Variants in DPP6 observed in about 807,000 individuals in gnomAD.
The protein encoded by DPP6 is dipeptidyl peptidase like 6, also known as A-type potassium channel modulatory protein DPP6.
DPP6 carries 69 observed loss-of-function variants against 122.6 expected under a neutral mutation model. The ratio of observed to expected loss-of-function variants is 0.56; its 90% CI spans 0.46 to 0.69. The LOEUF (loss-of-function observed/expected upper bound fraction) is 0.69, where lower values mean the gene tolerates loss of function less well. DPP6 is among the 30% of genes least tolerant of loss of function. DPP6 has a pLI of 0.00. For synonymous variants in DPP6, 418 were observed against 433.1 expected, an observed-to-expected ratio of 0.97 and a Z score of 0.43; for missense variants, 928 against 1,116.9, an observed-to-expected ratio of 0.83 and a Z score of 2.41.
chr7:154,250,969 C>T (rs1370087943), intron 1 of DPP6, among the ~76,000 whole-genome samples: 5 of 152,190 alleles, frequency 3.3e-5, no homozygotes, highest in African/African-American at 9.6e-5. Context: ...GTCCCAAAGA[C>T]GAGCCCCACC....
At chr7:154,417,597 T>TTC (rs1226045247) in intron 1 of DPP6, among the ~76,000 whole-genome samples, 1 of 151,992 alleles carries the variant, frequency 6.6e-6, no homozygotes, top group Non-Finnish European at 1.5e-5. Context: ...TGGCTTCACC[T>TTC]TCTTTACTCC....
At chr7:153,979,887 G>A (rs1796496411) in intron 1 of DPP6, among the ~76,000 whole-genome samples, 1 of 152,170 alleles carries the variant, frequency 6.6e-6, no homozygotes, top group Admixed American at 6.5e-5. Flanking sequence ...ACATCCCAGA[G>A]TTGAAGCCGA....
intron 1 of DPP6, among the ~76,000 whole-genome samples, chr7:154,174,637 A>G (rs775861252): frequency 3.3e-5 from 5 of 152,264 alleles, no homozygotes; most frequent in South Asian, 2.1e-4. Flanking sequence ...TTTTATCACC[A>G]TTTCTTCATT....
At chr7:154,218,904 A>G in intron 1 of DPP6, among the ~76,000 whole-genome samples, 1 of 152,234 alleles carries the variant, frequency 6.6e-6, no homozygotes, top group Non-Finnish European at 1.5e-5. Flanking sequence ...CAAAAAAGCT[A>G]GTGCTAGAAT....
At chr7:154,064,262 G>A (rs141484762) in intron 1 of DPP6, among the ~76,000 whole-genome samples, 335 of 152,230 alleles carry the variant, frequency 2.2e-3, no homozygotes, top group Non-Finnish European at 3.4e-3. Context: ...GCACTGGCCC[G>A]TCCTGCCATC....
chr7:154,766,594 T>C (rs780049664), intron 8 of DPP6, among the ~76,000 whole-genome samples: 1 of 152,222 alleles, frequency 6.6e-6, no homozygotes, highest in Non-Finnish European at 1.5e-5. Flanking sequence ...GGCGTGTCTC[T>C]AAGTTTCCTT....
chr7:154,796,099 C>T (rs1047439093), intron 12 of DPP6: 18 of 652,828 alleles, frequency 2.8e-5, no homozygotes, highest in Non-Finnish European at 3.4e-5. Flanking sequence ...CAGGGAGGGT[C>T]GTGTGAAAAT....
At chr7:153,912,768 C>A (rs1800145452) in intron 1 of DPP6, among the ~76,000 whole-genome samples, 1 of 152,114 alleles carries the variant, frequency 6.6e-6, no homozygotes, top group Admixed American at 6.5e-5. Flanking sequence ...CGTGCACAGA[C>A]ACACACACCT....
At chr7:153,882,224 T>G (rs1247312823), upstream of DPP6, among the ~76,000 whole-genome samples, 1 of 152,202 alleles carries the variant, frequency 6.6e-6, no homozygotes, top group African/African-American at 2.4e-5. Flanking sequence ...TCCTGAAAAT[T>G]TATGGGTAAA....
intron 1 of DPP6, among the ~76,000 whole-genome samples, chr7:154,290,647 C>CA (rs36088986): frequency 0.3 from 39,593 of 133,710 alleles, 5,335 homozygotes; most frequent in Admixed American, 0.37. Context: ...ACTCTGTCTC[C>CA]AAAAAAAAAA....
intron 1 of DPP6, among the ~76,000 whole-genome samples, chr7:154,246,523 A>C (rs1325844528): frequency 6.6e-6 from 1 of 152,208 alleles, no homozygotes. Flanking sequence ...AGGTGGTAGA[A>C]ATTGACAAGC....
chr7:154,527,479 G>C (rs1359397735), intron 3 of DPP6, among the ~76,000 whole-genome samples: 1 of 152,140 alleles, frequency 6.6e-6, no homozygotes, highest in Admixed American at 6.5e-5. Flanking sequence ...TAAGATATGT[G>C]TATGTTGTAT....
rs569041708 is a variant in DPP6 at position 154,107,997 on chromosome 7, A to G, written c.243+54934A>G. On this transcript the variant is annotated intron_variant, in intron 1 of 25. Transcript: ENST00000377770. ...TTTGAAATCTCATTCAGTTGAATTT[A>G]ATAACAAATAAATAATTCATGGGGA... Among the ~76,000 whole-genome samples the G allele has an allele frequency of 6.4e-4, 98 of 152,366 alleles. 2 individuals carry two copies. In the South Asian group the frequency reaches 0.018, roughly 28 times the overall value.
intron 1 of DPP6, among the ~76,000 whole-genome samples, chr7:154,112,521 T>G (rs1310364496): frequency 5.3e-5 from 8 of 152,004 alleles, no homozygotes; most frequent in Non-Finnish European, 1.2e-4. Context: ...GGCACATGCC[T>G]GTAACCCCAG....
intron 3 of DPP6, among the ~76,000 whole-genome samples, chr7:154,482,292 A>G (rs1823376267): frequency 6.6e-6 from 1 of 152,006 alleles, no homozygotes; most frequent in East Asian, 1.9e-4. Flanking sequence ...CTCTGTGGCA[A>G]TGAAGGGGGC....
chr7:153,904,241 G>C (rs1276598124), intron 1 of DPP6, among the ~76,000 whole-genome samples: 1 of 152,014 alleles, frequency 6.6e-6, no homozygotes, highest in Non-Finnish European at 1.5e-5. Context: ...TAGTAAAGAC[G>C]GGGTTTCACT....
At chr7:154,013,880 T>G (rs1798273438) in intron 1 of DPP6, among the ~76,000 whole-genome samples, 3 of 151,426 alleles carry the variant, frequency 2.0e-5, no homozygotes, top group Admixed American at 6.6e-5. Context: ...AGTCTGAGCC[T>G]CCATCAGATC....
At chr7:154,754,751 A>T (rs1348025695) in intron 8 of DPP6, among the ~76,000 whole-genome samples, 2 of 152,230 alleles carry the variant, frequency 1.3e-5, no homozygotes, top group Non-Finnish European at 2.9e-5. Context: ...GATAGACTGG[A>T]TACAGGAAAT....
chr7:154,252,806 A>G (rs1802432620), intron 1 of DPP6, among the ~76,000 whole-genome samples: 1 of 152,266 alleles, frequency 6.6e-6, no homozygotes, highest in East Asian at 1.9e-4. Context: ...GTCAACAGCA[A>G]CTACTGTCAA....
Sources: allele counts gnomAD v4.1 joint callset (sites outside exome capture counted in the v4.1 genomes callset), GRCh38; gene constraint gnomAD v4.1.1; transcripts MANE v1.5; gene names NCBI Gene and HGNC (gene_info 2026-07-23, HGNC 2026-07-21).